HS3ST2: variants seen among roughly 807,000 people sequenced by gnomAD.
HS3ST2 encodes the protein heparan sulfate-glucosamine 3-sulfotransferase 2, also known as heparan sulfate glucosamine 3-O-sulfotransferase 2.
Under a neutral mutation model 26.3 loss-of-function variants are expected in HS3ST2, and 17 were observed. That is an observed-to-expected ratio of 0.65 (90% CI 0.44 to 0.97). The LOEUF (loss-of-function observed/expected upper bound fraction) is 0.97. Among genes scored for constraint, HS3ST2 ranks in the 50% least tolerant of loss-of-function variants. HS3ST2 has a pLI of 0.00. For missense variants in HS3ST2, 402 were observed against 501.2 expected (o/e 0.80, Z 1.89); for synonymous variants, 237 against 219.2 (o/e 1.08, Z -0.72).
chr16:22,888,606 C>T (rs1002957268), intron 1 of HS3ST2, among the ~76,000 whole-genome samples: 14 of 152,064 alleles, frequency 9.2e-5, no homozygotes, highest in East Asian at 5.8e-4. Flanking sequence ...AGAATGGTCT[C>T]GATCTCCTGA....
Position 22,814,960 on chromosome 16 carries a change from C to T in HS3ST2, c.350C>T (p.Ala117Val), listed in dbSNP as rs757292950. The change falls in exon 1 of 2, where the codon GCC becomes GTC. Residue 117 changes from alanine (A) to valine (V), a missense_variant. Ala to Val is a moderately conservative substitution (Grantham distance 64, BLOSUM62 0). Around this residue, in one of 2 missense-constraint regions of HS3ST2, gnomAD observed 237 missense variants for 346.6 expected, o/e 0.68. Coordinates refer to ENST00000261374, the MANE Select transcript of HS3ST2 (RefSeq NM_006043.2). ...CTGGGTACCAAGCGGTTGCCCCAAG[C>T]CCTCATTGTGGGCGTGAAGAAGGGG... ...PKLGTKRLPQ[A>V]LIVGVKKGGT... The T allele has an allele frequency of 1.1e-5, 17 of 1,612,456 alleles. No individual in the cohort carries two copies. The highest frequency in any genetic ancestry group is 1.7e-5 in the Admixed American group (1 of 59,934).
chr16:22,860,241 G>C (rs1901655971), intron 1 of HS3ST2, among the ~76,000 whole-genome samples: 1 of 152,142 alleles, frequency 6.6e-6, no homozygotes, highest in Admixed American at 6.5e-5. Flanking sequence ...AAAGAGCAAA[G>C]GGACGTCTTA....
intron 1 of HS3ST2, among the ~76,000 whole-genome samples, chr16:22,830,579 A>G (rs1901154054): frequency 6.6e-6 from 1 of 152,194 alleles, no homozygotes; most frequent in Admixed American, 6.5e-5. Flanking sequence ...AAGCCAAACA[A>G]AGCTTTGATG....
chr16:22,893,639 T>TC (rs1902162724), intron 1 of HS3ST2, among the ~76,000 whole-genome samples: 1 of 150,294 alleles, frequency 6.7e-6, no homozygotes. Flanking sequence ...CTTTTCTTTT[T>TC]TTTTTTTTTT....
intron 1 of HS3ST2, among the ~76,000 whole-genome samples, chr16:22,819,993 AC>A (rs199708382): frequency 1.3e-3 from 205 of 152,370 alleles, no homozygotes; most frequent in African/African-American, 4.5e-3. Context: ...CACAAAACAG[AC>A]TGATCTGTGC....
intron 1 of HS3ST2, among the ~76,000 whole-genome samples, chr16:22,873,465 A>T (rs1435056354): frequency 6.6e-6 from 1 of 152,226 alleles, no homozygotes; most frequent in Admixed American, 6.5e-5. Flanking sequence ...CGGGTAACAG[A>T]TAAACTAGAT....
In HS3ST2 at chr16:22,866,316, T is replaced by TGC. The variant is rs140600798; in HGVS notation, c.486-48617_486-48616dup. 3.9e-3 allele frequency among the ~76,000 whole-genome samples: 574 copies of TGC among 145,340 alleles called. 11 individuals carry two copies. The highest frequency in any genetic ancestry group is 0.032 in the East Asian group (156 of 4,898). ...AGAGGGGAGAATTCGCGCAAGCACG[T>TGC]GCGCGCGCGCGCACACACACACACA... On this transcript the variant is annotated intron_variant, in intron 1 of 1. Coordinates refer to ENST00000261374, the MANE Select transcript of HS3ST2 (RefSeq NM_006043.2).
chr16:22,901,586 GT>G (rs1902282540), intron 1 of HS3ST2, among the ~76,000 whole-genome samples: 1 of 152,204 alleles, frequency 6.6e-6, no homozygotes, highest in African/African-American at 2.4e-5. Flanking sequence ...TATCCTGGGA[GT>G]TACCTCCAGA....
At chr16:22,825,641 G>A (rs1167036315) in intron 1 of HS3ST2, among the ~76,000 whole-genome samples, 1 of 152,122 alleles carries the variant, frequency 6.6e-6, no homozygotes, top group Non-Finnish European at 1.5e-5. Context: ...GTTTTTGGTT[G>A]GGGGCTAATA....
chr16:22,879,076 G>C (rs1291131234), intron 1 of HS3ST2, among the ~76,000 whole-genome samples: 1 of 152,224 alleles, frequency 6.6e-6, no homozygotes, highest in Non-Finnish European at 1.5e-5. Context: ...GTTTTCATGA[G>C]CTGAGCACCC....
chr16:22,902,476 T>C (rs1032842483), intron 1 of HS3ST2, among the ~76,000 whole-genome samples: 2 of 152,260 alleles, frequency 1.3e-5, no homozygotes, highest in Non-Finnish European at 2.9e-5. Flanking sequence ...CAGGTGTCCT[T>C]GGGAGATGCC....
At chr16:22,833,403 G>A (rs1468709126) in intron 1 of HS3ST2, 5 of 440,476 alleles carry the variant, frequency 1.1e-5, no homozygotes, top group Non-Finnish European at 2.3e-5. Flanking sequence ...CATGGAAGCA[G>A]CAGCAATGAC....
chr16:22,815,076 C>A lies in HS3ST2; in HGVS notation c.466C>A (p.Arg156Ser). ...CCACTTCTTTGACAGGAACTACGGCCGCGGGCTGGATTGGTACAGGTAAGG... is the reference window on the plus strand; with the variant it reads ...CCACTTCTTTGACAGGAACTACGGCAGCGGGCTGGATTGGTACAGGTAAGG... ...EPHFFDRNYG[R>S]GLDWYRSLMP... The change falls in exon 1 of 2, where the codon CGC (arginine) becomes AGC (serine). Residue 156 changes from arginine (R) to serine (S), a missense_variant. Physicochemically the swap from Arg to Ser is moderately radical, Grantham distance 110 (BLOSUM62 -1). This residue lies in a region of HS3ST2 where 237 missense variants were observed against 346.6 expected (regional missense o/e 0.68). Transcript: ENST00000261374. The A allele has an allele frequency of 6.2e-7, 1 of 1,613,092 alleles. No homozygotes were observed. Among genetic ancestry groups the A allele is most frequent in the Non-Finnish European group, 8.5e-7 (1 of 1,180,022 alleles).
rs370950355 is a variant in HS3ST2, at chr16:22,827,023, G to C, written c.485+11928G>C. Among the ~76,000 whole-genome samples the C allele has an allele frequency of 3.3e-5, 5 of 152,338 alleles. No homozygotes were observed. In the South Asian group the frequency reaches 1.0e-3, roughly 32 times the overall value. ...GGCGGAGAAAGAATACTTGGTCTGG[G>C]AGGGTGTTGCAGTTTTAAGCAGGGT... is the stretch of plus-strand genomic sequence containing the variant. On this transcript the variant is annotated intron_variant, in intron 1 of 1. Coordinates refer to ENST00000261374, the MANE Select transcript of HS3ST2 (RefSeq NM_006043.2).
At chr16:22,910,558 A>T (rs1259093067) in intron 1 of HS3ST2, among the ~76,000 whole-genome samples, 1 of 152,212 alleles carries the variant, frequency 6.6e-6, no homozygotes, top group African/African-American at 2.4e-5. Context: ...CAAACAATGT[A>T]CTCAATACTA....
intron 1 of HS3ST2, among the ~76,000 whole-genome samples, chr16:22,889,556 G>C (rs1352042148): frequency 6.6e-6 from 1 of 152,112 alleles, no homozygotes; most frequent in Non-Finnish European, 1.5e-5. Flanking sequence ...ATGCTCAATT[G>C]GTAAGTATAA....
intron 1 of HS3ST2, among the ~76,000 whole-genome samples, chr16:22,818,852 C>T (rs1191696628): frequency 5.9e-5 from 1 of 16,900 alleles, no homozygotes; most frequent in Non-Finnish European, 1.0e-4. Context: ...CTTCCTCCCT[C>T]CCTCCCTCCC....
At chr16:22,820,587 A>G (rs931833122) in intron 1 of HS3ST2, among the ~76,000 whole-genome samples, 4 of 152,396 alleles carry the variant, frequency 2.6e-5, no homozygotes, top group African/African-American at 7.2e-5. Flanking sequence ...CTCCGTAAAA[A>G]GCCATCAGAT....
chr16:22,909,788 C>T (rs1362376265), intron 1 of HS3ST2, among the ~76,000 whole-genome samples: 1 of 152,064 alleles, frequency 6.6e-6, no homozygotes, highest in African/African-American at 2.4e-5. Context: ...TGCCTGTAAT[C>T]CTAGCACTTT....
Sources: allele counts gnomAD v4.1 joint callset (sites outside exome capture counted in the v4.1 genomes callset), GRCh38; gene constraint gnomAD v4.1.1; regional missense constraint gnomAD v4.1.1; transcripts MANE v1.5; gene names NCBI Gene and HGNC (gene_info 2026-07-23, HGNC 2026-07-21).